Variants in NEK4 observed in about 807,000 individuals in gnomAD.
NEK4 encodes NIMA related kinase 4, also known as serine/threonine-protein kinase Nek4.
NEK4 carries 86 observed loss-of-function variants against 98.4 expected under a neutral mutation model. The ratio of observed to expected loss-of-function variants is 0.87; its 90% CI spans 0.73 to 1.05. The LOEUF (loss-of-function observed/expected upper bound fraction) is 1.05. Among genes scored for constraint, NEK4 ranks in the 50% least tolerant of loss-of-function variants. NEK4 has a pLI of 0.00. For missense variants in NEK4, 898 were observed against 950.3 expected, an observed-to-expected ratio of 0.94 and a Z score of 0.72; for synonymous variants, 328 against 342.2, an observed-to-expected ratio of 0.96 and a Z score of 0.46.
At chr3:52,745,942 T>C in intron 10 of NEK4, 119 bp downstream of exon 10, 1 of 909,552 alleles carries the variant, frequency 1.1e-6, no homozygotes. Flanking sequence ...AGGCCAGTCT[T>C]GAACTCTTGG....
intron 15 of NEK4, among the ~76,000 whole-genome samples, chr3:52,727,028 G>T (rs2097365266): frequency 7.4e-6 from 1 of 134,620 alleles, no homozygotes; most frequent in Non-Finnish European, 1.5e-5. Flanking sequence ...AGGCTAGAAT[G>T]CAATGGCTCA....
intron 6 of NEK4, among the ~76,000 whole-genome samples, chr3:52,759,954 G>A (rs924384375): frequency 7.2e-6 from 1 of 139,596 alleles, no homozygotes; most frequent in African/African-American, 2.5e-5. Flanking sequence ...CTATGTGGAA[G>A]ACACCAGAAA....
chr3:52,758,985 A>G (rs984628619), intron 6 of NEK4, among the ~76,000 whole-genome samples: 2 of 151,244 alleles, frequency 1.3e-5, no homozygotes, highest in Non-Finnish European at 3.0e-5. Context: ...AGCTAATCGG[A>G]AGGCTGAGGT....
intron 12 of NEK4, among the ~76,000 whole-genome samples, chr3:52,741,849 G>A (rs575045488): frequency 5.3e-5 from 8 of 151,972 alleles, no homozygotes; most frequent in South Asian, 2.1e-4. Context: ...GCACGATCTC[G>A]GCTCACAGCA....
intron 15 of NEK4, among the ~76,000 whole-genome samples, chr3:52,726,259 C>A (rs566826885): frequency 1.4e-4 from 21 of 152,228 alleles, no homozygotes; most frequent in African/African-American, 4.8e-4. Flanking sequence ...CAATACCCCA[C>A]TCTCAATAAT....
At position 52,742,726 on chromosome 3, in the gene NEK4, A is replaced by G. The variant is rs550093020; in HGVS notation, c.2004+626T>C. On this transcript the variant is annotated intron_variant, in intron 12 of 15. Coordinates refer to ENST00000233027, the MANE Select transcript of NEK4 (RefSeq NM_003157.6). ...ACACAGATGGGTATGTTGGTATCAC[A>G]GCAGATTGAGCAAAGTGCTGCCTAG... Among the ~76,000 whole-genome samples, 7 of 152,330 alleles carry G rather than the reference A, an allele frequency of 4.6e-5. No homozygotes were observed. In the South Asian group the frequency reaches 1.4e-3, roughly 32 times the overall value.
intron 6 of NEK4, among the ~76,000 whole-genome samples, chr3:52,758,933 CATA>C (rs1698236923): frequency 6.6e-6 from 1 of 151,620 alleles, no homozygotes; most frequent in South Asian, 2.1e-4. Context: ...CAAAAATAAT[CATA>C]ATAATTAGCC....
At chr3:52,744,904 A>G (rs973454967) in intron 10 of NEK4, among the ~76,000 whole-genome samples, 1 of 151,676 alleles carries the variant, frequency 6.6e-6, no homozygotes, top group Non-Finnish European at 1.5e-5. Context: ...CATTTGCCAT[A>G]TTCGGAATCT....
At chr3:52,768,892 C>T (rs957201107) in intron 1 of NEK4, among the ~76,000 whole-genome samples, 1 of 152,148 alleles carries the variant, frequency 6.6e-6, no homozygotes, top group Admixed American at 6.5e-5. Flanking sequence ...AGATAACATA[C>T]CATTGGATCA....
At chr3:52,752,601 C>A (rs2097407210) in intron 6 of NEK4, among the ~76,000 whole-genome samples, 1 of 151,884 alleles carries the variant, frequency 6.6e-6, no homozygotes, top group Non-Finnish European at 1.5e-5. Context: ...AAGGGATAAA[C>A]AAAATGTGGT....
rs1163028453 is a variant in NEK4 at position 52,709,899 on chromosome 3, G to C, written c.*1878C>G. ...AAGATTTGTTCCCAACTGGGCATTG[G>C]GACTTGATGGTTTTGCAAGTTGAGT... On this transcript the variant is annotated 3_prime_UTR_variant, in exon 16 of 16. Coordinates refer to ENST00000233027, the MANE Select transcript of NEK4 (RefSeq NM_003157.6). The C allele has an allele frequency of 1.3e-5, 2 of 152,094 alleles. No homozygotes were observed. The highest frequency in any genetic ancestry group is 3.9e-4 in the East Asian group (2 of 5,192). 9.4% of individuals were successfully genotyped at this position (152,094 alleles called of 1,614,324 possible). A position where few individuals can be genotyped will look rare whatever the true frequency, so the allele number is the denominator to read the frequency against.
intron 8 of NEK4, among the ~76,000 whole-genome samples, chr3:52,749,037 A>C (rs1474941573): frequency 6.6e-6 from 1 of 152,032 alleles, no homozygotes; most frequent in Non-Finnish European, 1.5e-5. Context: ...CAGTGAGCTG[A>C]GATCACATCA....
intron 1 of NEK4, among the ~76,000 whole-genome samples, chr3:52,769,946 T>G (rs966200608): frequency 1.3e-5 from 2 of 152,158 alleles, no homozygotes; most frequent in African/African-American, 4.8e-5. Context: ...GCAAGTCAAG[T>G]GGCGGCGACC....
In NEK4 at chr3:52,730,502, T is replaced by C. The variant is rs565867926; in HGVS notation, c.2433+7084A>G. Among the ~76,000 whole-genome samples, 3 of 152,330 alleles carry C rather than the reference T, an allele frequency of 2.0e-5. No individual in the cohort carries two copies. The South Asian group carries it at 6.2e-4, about 32-fold the overall frequency. ...CACTACAGGAAAAGAGAAATGCATA[T>C]GAATATCCCTTATGAACATTCATTC... On this transcript the variant is annotated intron_variant, in intron 15 of 15. Coordinates refer to ENST00000233027, the MANE Select transcript of NEK4 (RefSeq NM_003157.6).
At chr3:52,735,322 C>T (rs2097374465) in intron 15 of NEK4, among the ~76,000 whole-genome samples, 1 of 152,212 alleles carries the variant, frequency 6.6e-6, no homozygotes. Context: ...AACACACTTT[C>T]AGTTTACTCA....
At chr3:52,754,040 G>A (rs1471003227) in intron 6 of NEK4, 2 of 258,116 alleles carry the variant, frequency 7.7e-6, no homozygotes, top group South Asian at 4.4e-5. Context: ...CCACATGCCT[G>A]TAATCCCAGC....
At chr3:52,770,474 A>T (rs768915348) in intron 1 of NEK4, among the ~76,000 whole-genome samples, 180 bp downstream of exon 1, 4 of 149,706 alleles carry the variant, frequency 2.7e-5, no homozygotes, top group Admixed American at 1.3e-4. Flanking sequence ...AAAGAAGTAG[A>T]AGTAGTTCTG....
At chr3:52,757,246 T>C (rs1698141227) in intron 6 of NEK4, among the ~76,000 whole-genome samples, 1 of 152,190 alleles carries the variant, frequency 6.6e-6, no homozygotes, top group Non-Finnish European at 1.5e-5. Flanking sequence ...CTTCTGGTTA[T>C]ATACCCAACA....
chr3:52,754,674 G>A (rs2097411550), intron 6 of NEK4: 5 of 607,900 alleles, frequency 8.2e-6, no homozygotes, highest in South Asian at 4.1e-5. Context: ...CAGTAAAGAA[G>A]AGAAAACAGT....
Sources: allele counts gnomAD v4.1 joint callset (sites outside exome capture counted in the v4.1 genomes callset), GRCh38; gene constraint gnomAD v4.1.1; transcripts MANE v1.5; gene names NCBI Gene and HGNC (gene_info 2026-07-23, HGNC 2026-07-21).